Variants in PPFIA2 observed in about 807,000 individuals in gnomAD.
PPFIA2 encodes the protein PPFI scaffold protein A2.
A neutral mutation model predicts 175.5 loss-of-function variants in PPFIA2; 46 were observed. The observed-to-expected ratio is 0.26, with a 90% CI of 0.21 to 0.34. The LOEUF is 0.34. Among genes scored for constraint, PPFIA2 ranks in the 10% least tolerant of loss-of-function variants. PPFIA2 has a pLI of 1.00. For synonymous variants in PPFIA2, 568 were observed against 511.4 expected (o/e 1.11, Z -1.49); for missense variants, 1,179 against 1,506.1 (o/e 0.78, Z 3.60).
chr12:81,743,411 C>CAAAAAAAAAAAAAAAAAA, intron 3 of PPFIA2, among the ~76,000 whole-genome samples: 1 of 24,852 alleles, frequency 4.0e-5, no homozygotes, highest in Non-Finnish European at 6.5e-5. Flanking sequence ...GACTCCGTCT[C>CAAAAAAAAAAAAAAAAAA]AAAAAAAAAA....
chr12:81,673,696 AT>A (rs1327993042), intron 4 of PPFIA2, among the ~76,000 whole-genome samples: 8 of 151,970 alleles, frequency 5.3e-5, no homozygotes, highest in Non-Finnish European at 1.5e-5. Flanking sequence ...AACAGATACT[AT>A]TTTTTTCTCC....
chr12:81,290,537 G>A (rs992619519), intron 24 of PPFIA2, among the ~76,000 whole-genome samples: 2 of 151,588 alleles, frequency 1.3e-5, no homozygotes, highest in Non-Finnish European at 3.0e-5. Context: ...CATATATTCC[G>A]TGAATACAGA....
intron 4 of PPFIA2, among the ~76,000 whole-genome samples, chr12:81,531,460 G>A (rs1403055): frequency 0.014 from 2,102 of 151,444 alleles, 53 homozygotes; most frequent in African/African-American, 0.048. Context: ...GGACTTTCTG[G>A]GTGAATTAAA....
intron 4 of PPFIA2, among the ~76,000 whole-genome samples, chr12:81,470,282 G>T (rs2146270506): frequency 6.6e-6 from 1 of 152,118 alleles, no homozygotes; most frequent in East Asian, 1.9e-4. Context: ...CAGATAATCT[G>T]AATACACAGC....
chr12:81,267,436 C>A (rs1826258009), intron 29 of PPFIA2, among the ~76,000 whole-genome samples: 1 of 152,124 alleles, frequency 6.6e-6, no homozygotes, highest in Admixed American at 6.5e-5. Context: ...AATAAAGATT[C>A]CTATGCCCTA....
At chr12:81,646,738 T>G (rs1252010166) in intron 4 of PPFIA2, among the ~76,000 whole-genome samples, 5 of 152,188 alleles carry the variant, frequency 3.3e-5, no homozygotes, top group Admixed American at 2.0e-4. Flanking sequence ...TACTTTCTGC[T>G]AACTCAAACT....
intron 4 of PPFIA2, among the ~76,000 whole-genome samples, chr12:81,530,752 GA>G (rs796160621): frequency 0.022 from 3,145 of 140,988 alleles, 89 homozygotes; most frequent in African/African-American, 0.066. Flanking sequence ...ATAAAAAAGA[GA>G]AAAAAAAAAA....
Position 81,651,458 on chromosome 12 carries a change from C to T in PPFIA2, c.303+25333G>A, listed in dbSNP as rs534146833. On this transcript the variant is annotated intron_variant, in intron 4 of 32. Coordinates refer to ENST00000549396, the MANE Select transcript of PPFIA2 (RefSeq NM_003625.5). The stretch of plus-strand genomic sequence containing the variant: ...AAGTCAATGTATCTGTATTGTATTA[C>T]ACTTACATGACCAAAACTTAAACAT... Among the ~76,000 whole-genome samples, 7 of 151,996 alleles carry T rather than the reference C, an allele frequency of 4.6e-5. No individual in the cohort carries two copies. The South Asian group carries it at 1.2e-3, about 27-fold the overall frequency.
At chr12:81,596,564 A>G (rs142210903) in intron 4 of PPFIA2, among the ~76,000 whole-genome samples, 1,794 of 152,178 alleles carry the variant, frequency 0.012, 14 homozygotes, top group Non-Finnish European at 0.02. Flanking sequence ...TGTCAGTAAG[A>G]TCTTTACTGA....
At chr12:81,696,640 C>T (rs904816963) in intron 3 of PPFIA2, among the ~76,000 whole-genome samples, 2 of 152,058 alleles carry the variant, frequency 1.3e-5, no homozygotes. Flanking sequence ...TCATCCTGTG[C>T]ATAATGGCCT....
At chr12:81,522,217 T>C (rs1486080753) in intron 4 of PPFIA2, among the ~76,000 whole-genome samples, 3 of 152,210 alleles carry the variant, frequency 2.0e-5, no homozygotes, top group South Asian at 4.1e-4. Context: ...GCTACTGTTT[T>C]CTTCTTGATT....
intron 16 of PPFIA2, among the ~76,000 whole-genome samples, chr12:81,356,399 A>C (rs1486643122): frequency 2.6e-5 from 4 of 152,150 alleles, no homozygotes; most frequent in Non-Finnish European, 4.4e-5. Context: ...GCAGTGGTTC[A>C]CGCTTATAAT....
chr12:81,555,859 A>C (rs1249703159), intron 4 of PPFIA2, among the ~76,000 whole-genome samples: 2 of 151,956 alleles, frequency 1.3e-5, no homozygotes, highest in Non-Finnish European at 2.9e-5. Flanking sequence ...TGGGTACTTA[A>C]ATATGGCTCT....
intron 22 of PPFIA2, among the ~76,000 whole-genome samples, chr12:81,309,159 C>A (rs906138683): frequency 1.3e-5 from 2 of 152,064 alleles, no homozygotes; most frequent in Non-Finnish European, 2.9e-5. Flanking sequence ...TAAAATTCAG[C>A]TTTCAAGAGG....
intron 4 of PPFIA2, among the ~76,000 whole-genome samples, chr12:81,550,216 T>C (rs1567288808): frequency 6.6e-6 from 1 of 151,830 alleles, no homozygotes; most frequent in Non-Finnish European, 1.5e-5. Context: ...AGTGTTATAA[T>C]AGAGTTGTAT....
chr12:81,314,316 A>G (rs1270166593), intron 22 of PPFIA2, among the ~76,000 whole-genome samples: 1 of 151,902 alleles, frequency 6.6e-6, no homozygotes, highest in African/African-American at 2.4e-5. Context: ...ACACATATTT[A>G]TTTATAGTAG....
intron 4 of PPFIA2, among the ~76,000 whole-genome samples, chr12:81,586,630 C>T (rs2075339158): frequency 6.6e-6 from 1 of 151,592 alleles, no homozygotes; most frequent in Admixed American, 6.6e-5. Context: ...TAAAAATACA[C>T]AAGAAATGCA....
intron 7 of PPFIA2, among the ~76,000 whole-genome samples, chr12:81,420,267 G>A (rs1228757356): frequency 6.6e-6 from 1 of 152,012 alleles, no homozygotes. Context: ...ATGTCTATGA[G>A]AATATGAAAA....
At chr12:81,352,854 G>A (rs770889815) in intron 17 of PPFIA2, among the ~76,000 whole-genome samples, 1 of 152,062 alleles carries the variant, frequency 6.6e-6, no homozygotes, top group Non-Finnish European at 1.5e-5. Context: ...TTATTCTTCT[G>A]TACTGTCACT....
Sources: gnomAD v4.1 joint callset for allele counts (sites outside exome capture counted in the v4.1 genomes callset) on GRCh38, gnomAD v4.1.1 for gene constraint, MANE v1.5 for transcripts, NCBI Gene and HGNC (gene_info 2026-07-23, HGNC 2026-07-21) for gene names.